The following UBE2V2 variants were observed in gnomAD, a reference collection of about 807,000 sequenced individuals.
The protein encoded by UBE2V2 is ubiquitin-conjugating enzyme E2 variant 2.
Under a neutral mutation model 17.2 loss-of-function variants are expected in UBE2V2, and 9 were observed. The ratio of observed to expected loss-of-function variants is 0.52; its 90% CI spans 0.32 to 0.91. UBE2V2 has a LOEUF of 0.91. Ranked by LOEUF, UBE2V2 falls within the 40% of genes least tolerant of loss-of-function variation. UBE2V2 has a pLI of 0.04. For synonymous variants in UBE2V2, 61 were observed against 57.5 expected, an observed-to-expected ratio of 1.06 and a Z score of -0.28; for missense variants, 133 against 182.6, an observed-to-expected ratio of 0.73 and a Z score of 1.56.
intron 1 of UBE2V2, among the ~76,000 whole-genome samples, chr8:48,030,672 G>A (rs1230747008): frequency 6.6e-6 from 1 of 152,144 alleles, no homozygotes; most frequent in Non-Finnish European, 1.5e-5. Flanking sequence ...AGTGAGTTGA[G>A]ATCGTGTACT....
the UBE2V2 span, among the ~76,000 whole-genome samples, chr8:48,002,112 C>A: frequency 6.6e-6 from 1 of 151,860 alleles, no homozygotes; most frequent in Non-Finnish European, 1.5e-5. Context: ...GGCAACAGAT[C>A]CAAAAAGACA....
intron 1 of UBE2V2, among the ~76,000 whole-genome samples, chr8:48,010,825 G>C (rs914098075): frequency 6.6e-6 from 1 of 150,684 alleles, no homozygotes; most frequent in African/African-American, 2.4e-5. Context: ...AGCCTCTTGA[G>C]TAGCTGGGAT....
intron 1 of UBE2V2, among the ~76,000 whole-genome samples, chr8:48,027,236 A>G (rs1216920541): frequency 6.6e-6 from 1 of 152,108 alleles, no homozygotes; most frequent in East Asian, 1.9e-4. Flanking sequence ...CTTGACCTCA[A>G]GTGATCTCCC....
At chr8:48,009,100 G>A (rs189057267) in intron 1 of UBE2V2, among the ~76,000 whole-genome samples, 11 of 152,306 alleles carry the variant, frequency 7.2e-5, no homozygotes, top group Admixed American at 2.6e-4. Context: ...TAGATAAGCT[G>A]TTCAACTCCT....
intron 1 of UBE2V2, among the ~76,000 whole-genome samples, chr8:48,015,368 C>T (rs1460214664): frequency 1.3e-5 from 2 of 151,928 alleles, no homozygotes; most frequent in Non-Finnish European, 2.9e-5. Flanking sequence ...CAGAGCAAGA[C>T]ACTGTGTCAA....
intron 1 of UBE2V2, among the ~76,000 whole-genome samples, chr8:48,012,917 C>T (rs2091243666): frequency 6.6e-6 from 1 of 151,854 alleles, no homozygotes; most frequent in Admixed American, 6.6e-5. Context: ...GTGATCTGGG[C>T]TCACTGCAAC....
At chr8:48,034,272 C>A in intron 1 of UBE2V2, among the ~76,000 whole-genome samples, 1 of 152,084 alleles carries the variant, frequency 6.6e-6, no homozygotes, top group East Asian at 1.9e-4. Flanking sequence ...CAGATTCCCG[C>A]CACCATGAAG....
chr8:48,048,715 T>C (rs1232997310), intron 2 of UBE2V2, among the ~76,000 whole-genome samples: 1 of 152,192 alleles, frequency 6.6e-6, no homozygotes, highest in Non-Finnish European at 1.5e-5. Flanking sequence ...AGTTTAATAC[T>C]GCAAATCTGA....
In UBE2V2 at chr8:48,010,881, TA is replaced by T. The variant is rs1388239859; in HGVS notation, c.16+2412del. Among the ~76,000 whole-genome samples, 19 of 149,448 alleles carry T rather than the reference TA, an allele frequency of 1.3e-4. No individual in the cohort carries two copies. In the East Asian group the frequency reaches 1.6e-3, roughly 12 times the overall value. ...CCCAGCAAATTTTTTTGTATATATA[TA>T]TTTTTTTTGTATTTTTTTTTTTTTT... On this transcript the variant is annotated intron_variant, in intron 1 of 3. Coordinates refer to ENST00000523111, the MANE Select transcript of UBE2V2 (RefSeq NM_003350.3).
chr8:47,997,844 G>C, the UBE2V2 span, among the ~76,000 whole-genome samples: 2 of 151,870 alleles, frequency 1.3e-5, no homozygotes, highest in African/African-American at 4.8e-5. Flanking sequence ...CGGTGGGGGG[G>C]TCATGCTGTT....
At position 48,039,032 on chromosome 8, in the gene UBE2V2, G is replaced by A. The variant is rs145983641; in HGVS notation, c.17-4001G>A. 8.0e-5 allele frequency among the ~76,000 whole-genome samples: 12 copies of A among 150,806 alleles called. No homozygotes were observed. In the East Asian group the frequency reaches 2.4e-3, roughly 30 times the overall value. ...CAACCTCTGCCTCTTGGGTTCATGCGATTCTCCTGCCTTAGGAGAATTTTT... is the reference window on the plus strand; with the variant it reads ...CAACCTCTGCCTCTTGGGTTCATGCAATTCTCCTGCCTTAGGAGAATTTTT... On this transcript the variant is annotated intron_variant, in intron 1 of 3. Transcript: ENST00000523111.
At chr8:48,028,027 T>A (rs1022566035) in intron 1 of UBE2V2, among the ~76,000 whole-genome samples, 1 of 151,844 alleles carries the variant, frequency 6.6e-6, no homozygotes, top group Non-Finnish European at 1.5e-5. Flanking sequence ...CTAATTTTTG[T>A]ATTTTTAGTA....
intron 1 of UBE2V2, among the ~76,000 whole-genome samples, chr8:48,017,490 C>T (rs1589850760): frequency 6.6e-6 from 1 of 151,550 alleles, no homozygotes; most frequent in East Asian, 2.0e-4. Flanking sequence ...TCTCCTGCTT[C>T]AGCCTCCTAA....
rs1465976101 is a variant in UBE2V2 at position 48,061,370 on chromosome 8, G to T, written c.*542G>T. 1 of 152,580 alleles carries T rather than the reference G, an allele frequency of 6.6e-6. No homozygotes were observed. Among genetic ancestry groups the T allele is most frequent in the African/African-American group, 2.4e-5 (1 of 41,430 alleles). The allele number at this position is 152,580 out of a possible 1,614,324, so 9.5% of individuals were successfully genotyped here. On this transcript the variant is annotated 3_prime_UTR_variant, in exon 4 of 4. Coordinates refer to ENST00000523111, the MANE Select transcript of UBE2V2 (RefSeq NM_003350.3). ...TATTTATAATAAAAAATGTTGGGGG[G>T]AGTTGATGAATTCCTGTTAAAAGCT...
chr8:48,001,876 G>T, the UBE2V2 span, among the ~76,000 whole-genome samples: 1 of 152,142 alleles, frequency 6.6e-6, no homozygotes, highest in Non-Finnish European at 1.5e-5. Flanking sequence ...GATCACTTGA[G>T]GTCAGGAGTT....
At position 48,036,629 on chromosome 8, in the gene UBE2V2, G is replaced by A. The variant is rs2091427238; in HGVS notation, c.17-6404G>A. On this transcript the variant is annotated intron_variant, in intron 1 of 3. Coordinates refer to ENST00000523111, the MANE Select transcript of UBE2V2 (RefSeq NM_003350.3). ...TTTGTATCTTTAGGCTAGAGACGGG[G>A]TTTCATCATCTTGTCCAGGCTGGTC... 2.6e-5 allele frequency among the ~76,000 whole-genome samples: 4 copies of A among 151,358 alleles called. No individual in the cohort carries two copies. In the South Asian group the frequency reaches 8.4e-4, roughly 32 times the overall value.
intron 1 of UBE2V2, among the ~76,000 whole-genome samples, chr8:48,035,631 T>TTTTTTTTTG (rs1554657539): frequency 2.7e-5 from 3 of 109,524 alleles, no homozygotes; most frequent in African/African-American, 1.0e-4. Context: ...TTTTTTTTTT[T>TTTTTTTTTG]TGTGTGTGTG....
At chr8:48,011,249 C>A (rs2091229010) in intron 1 of UBE2V2, among the ~76,000 whole-genome samples, 1 of 152,080 alleles carries the variant, frequency 6.6e-6, no homozygotes, top group Non-Finnish European at 1.5e-5. Flanking sequence ...CTGACTGCAG[C>A]CTCTTCCTCC....
chr8:48,014,383 G>A (rs1250197266), intron 1 of UBE2V2, among the ~76,000 whole-genome samples: 2 of 152,122 alleles, frequency 1.3e-5, no homozygotes, highest in Admixed American at 6.6e-5. Flanking sequence ...GGTGGCTCAC[G>A]CCTGTAATCC....
Sources: gnomAD v4.1 joint callset for allele counts (sites outside exome capture counted in the v4.1 genomes callset) on GRCh38, gnomAD v4.1.1 for gene constraint, MANE v1.5 for transcripts, NCBI Gene and HGNC (gene_info 2026-07-23, HGNC 2026-07-21) for gene names.